Variants in DENND2D observed in about 807,000 individuals in gnomAD.
The protein encoded by DENND2D is DENN domain containing 2D, also known as DENN domain-containing protein 2D.
DENND2D carries 37 observed loss-of-function variants against 59.8 expected under a neutral mutation model. The observed-to-expected ratio is 0.62, with a 90% CI of 0.48 to 0.81. DENND2D has a LOEUF of 0.81. Among genes scored for constraint, DENND2D ranks in the 40% least tolerant of loss-of-function variants. The pLI, the probability that DENND2D is intolerant of heterozygous loss-of-function variation, is 0.00. For synonymous variants in DENND2D, 219 were observed against 211.3 expected, an observed-to-expected ratio of 1.04 and a Z score of -0.31; for missense variants, 525 against 579.7, an observed-to-expected ratio of 0.91 and a Z score of 0.97.
At chr1:111,190,639 G>A (rs552009525) in intron 8 of DENND2D, among the ~76,000 whole-genome samples, 1 of 152,176 alleles carries the variant, frequency 6.6e-6, no homozygotes. Context: ...CCAGTTTACC[G>A]TAACTTCCCA....
rs1404335396 is a variant in DENND2D at position 111,192,186 on chromosome 1, A to G, written c.926T>C (p.Val309Ala). 2 of 1,613,544 alleles carry G rather than the reference A, an allele frequency of 1.2e-6. No homozygotes were observed. Among genetic ancestry groups the G allele is most frequent in the South Asian group, 1.1e-5 (1 of 90,974 alleles). Residue 309 changes from valine (V) to alanine (A), a missense_variant, in exon 8 of 12, where the codon GTA becomes GCA. By Grantham distance (64) the Val-to-Ala change is moderately conservative. Transcript: ENST00000357640. Reference protein sequence around the residue: ...VCCPTPFMVGVQMRFQQEVMD... With the variant: ...VCCPTPFMVGAQMRFQQEVMD... ...GACCTCCTGCTGGAAGCGCATTTGT[A>G]CTCCAACCATGAAGGGGGTGGGGCA...
chr1:111,187,495 G>A lies in DENND2D; in HGVS notation c.*110C>T, dbSNP rs1267802511. 2 of 821,572 alleles carry A rather than the reference G, an allele frequency of 2.4e-6. No homozygotes were observed. 50.9% of individuals were successfully genotyped at this position (821,572 alleles called of 1,614,324 possible). A position where few individuals can be genotyped will look rare whatever the true frequency, so the allele number is the denominator to read the frequency against. ...CAATACCTGGATACCAAGACTCAGA[G>A]TGAGGATATGGATTTTGGGAGCTGA... On this transcript the variant is annotated 3_prime_UTR_variant, in exon 12 of 12. Transcript: ENST00000357640.
In DENND2D at chr1:111,195,937, G is replaced by A; in HGVS notation, c.624C>T (p.Phe208=). 1 of 1,614,130 alleles carries A rather than the reference G, an allele frequency of 6.2e-7. No homozygotes were observed. ...APGKTVTLKS[F]IPDSGTEFIS... ...CCACCTCAGTGCCTGAGTCGGGGAT[G>A]AAGCTCTTGAGAGTGACAGTCTTCC... Residue 208 remains phenylalanine, a synonymous_variant, in exon 6 of 12, where the codon TTC becomes TTT. Coordinates refer to ENST00000357640, the MANE Select transcript of DENND2D (RefSeq NM_024901.5).
rs764860601 is a variant in DENND2D at position 111,186,581 on chromosome 1, G to A, written c.*1024C>T. On this transcript the variant is annotated 3_prime_UTR_variant, in exon 12 of 12. Coordinates refer to ENST00000357640, the MANE Select transcript of DENND2D (RefSeq NM_024901.5). ...AAGCTTCCCAATGCTTGAGTAGAAA[G>A]TATCAGTAGAGGTATCAAGGGAGGA... 6.6e-6 allele frequency among the ~76,000 whole-genome samples: 1 copy of A among 152,192 alleles called. No homozygotes were observed. The highest frequency in any genetic ancestry group is 6.5e-5 in the Admixed American group (1 of 15,278).
chr1:111,198,129 C>T (rs533543833), intron 3 of DENND2D, 140 bp from the exon 4 acceptor site: 35 of 729,290 alleles, frequency 4.8e-5, no homozygotes, highest in East Asian at 8.2e-5. Flanking sequence ...TGGTGTCAGG[C>T]CCTAAACACA....
chr1:111,189,681 C>G (rs2764553), intron 8 of DENND2D, among the ~76,000 whole-genome samples: 1 of 152,052 alleles, frequency 6.6e-6, no homozygotes, highest in Non-Finnish European at 1.5e-5. Flanking sequence ...AGGAAACAGA[C>G]CCAAAGAAGC....
At chr1:111,200,110 C>CG in intron 1 of DENND2D, 2 of 559,334 alleles carry the variant, frequency 3.6e-6, no homozygotes, top group Non-Finnish European at 6.3e-6. Context: ...CCTAACCTGT[C>CG]GGGTGCTTCT....
chr1:111,189,029 T>G (rs772776497), intron 9 of DENND2D, among the ~76,000 whole-genome samples, 183 bp downstream of exon 9: 18 of 152,358 alleles, frequency 1.2e-4, no homozygotes, highest in Non-Finnish European at 8.8e-5. Flanking sequence ...TATCACTGAT[T>G]GTCTTATAGT....
chr1:111,188,365 C>G lies in DENND2D; in HGVS notation c.1105G>C (p.Glu369Gln), dbSNP rs2101440507. ...GQGINELKTA[E>Q]QINEHVSGPF... is the part of the protein sequence containing the mutation. ...CCTGAAACATGCTCGTTGATTTGTTCTGCAGCTGCAGGAGATATAAAGGCC... is the reference window on the plus strand; with the variant it reads ...CCTGAAACATGCTCGTTGATTTGTTGTGCAGCTGCAGGAGATATAAAGGCC... Residue 369 changes from glutamate to glutamine, a missense_variant, in exon 11 of 12, where the codon GAA (glutamate) becomes CAA (glutamine). Physicochemically the swap from Glu to Gln is conservative, Grantham distance 29. Around this residue, in one of 3 missense-constraint regions of DENND2D, gnomAD observed 225 missense variants for 252.4 expected, o/e 0.89. Transcript: ENST00000357640. The G allele has an allele frequency of 6.2e-7, 1 of 1,613,354 alleles. No homozygotes were observed. Among genetic ancestry groups the G allele is most frequent in the East Asian group, 2.2e-5 (1 of 44,876 alleles).
Position 111,196,850 on chromosome 1 carries a change from A to G in DENND2D, c.504+326T>C. ...CCTCACGCCACCCAGTGAGATAGGA[A>G]GGTGAGATTATTATATCCATTCGAC... On this transcript the variant is annotated intron_variant, in intron 5 of 11. Transcript: ENST00000357640. 4 of 301,330 alleles carry G rather than the reference A, an allele frequency of 1.3e-5. No homozygotes were observed. In the South Asian group the frequency reaches 1.9e-4, roughly 14 times the overall value. 18.7% of individuals were successfully genotyped at this position (301,330 alleles called of 1,614,324 possible).
At chr1:111,195,803 C>T in intron 6 of DENND2D, 113 bp downstream of exon 6, 1 of 1,484,888 alleles carries the variant, frequency 6.7e-7, no homozygotes, top group East Asian at 2.3e-5. Context: ...CAGTCCCCAT[C>T]TGGCTCAGTT....
At chr1:111,200,796 G>A (rs574258170), upstream of DENND2D, 1 of 1,019,704 alleles carries the variant, frequency 9.8e-7, no homozygotes, top group African/African-American at 1.7e-5. Context: ...AGCCGGAAAG[G>A]CCTGGCTACT....
Position 111,188,369 on chromosome 1 carries a change from A to G in DENND2D, c.1101T>C (p.Thr367=). Residue 367 remains threonine, a splice_region_variant and synonymous_variant, in exon 11 of 12, where the codon ACT becomes ACC. Transcript: ENST00000357640. ...SLGQGINELK[T]AEQINEHVSG... is the part of the protein sequence containing the mutation. ...AAACATGCTCGTTGATTTGTTCTGC[A>G]GCTGCAGGAGATATAAAGGCCATCT... 1 of 1,613,118 alleles carries G rather than the reference A, an allele frequency of 6.2e-7. No individual in the cohort carries two copies. The highest frequency in any genetic ancestry group is 8.5e-7 in the Non-Finnish European group (1 of 1,179,666).
At chr1:111,191,933 G>A (rs1657812477) in intron 8 of DENND2D, among the ~76,000 whole-genome samples, 1 of 152,166 alleles carries the variant, frequency 6.6e-6, no homozygotes, top group Admixed American at 6.5e-5. Flanking sequence ...CTGTGTGTCG[G>A]GTGCCAGGTT....
At chr1:111,194,951 CCT>C (rs932007939) in intron 6 of DENND2D, among the ~76,000 whole-genome samples, 5 of 152,064 alleles carry the variant, frequency 3.3e-5, no homozygotes, top group African/African-American at 9.7e-5. Context: ...AGCACACGCC[CCT>C]CTCTCACTGT....
intron 5 of DENND2D, 120 bp downstream of exon 5, chr1:111,197,056 G>A: frequency 8.5e-7 from 1 of 1,173,670 alleles, no homozygotes; most frequent in Non-Finnish European, 1.2e-6. Context: ...TCCCAAGTGT[G>A]CTTTAATGCT....
At chr1:111,200,023 A>G (rs1571201524) in intron 1 of DENND2D, 2 of 617,458 alleles carry the variant, frequency 3.2e-6, no homozygotes, top group East Asian at 5.7e-5. Context: ...GAGGAAAGAA[A>G]CCACTGACAC....
intron 3 of DENND2D, 70 bp downstream of exon 3, chr1:111,198,560 A>G (rs1658473856): frequency 6.9e-7 from 1 of 1,444,706 alleles, no homozygotes; most frequent in Non-Finnish European, 9.7e-7. Context: ...GGGAGGCTAC[A>G]GGAGCCACAG....
At position 111,188,212 on chromosome 1, in the gene DENND2D, G is replaced by T. The variant is rs780286712; in HGVS notation, c.1258C>A (p.Arg420=). ...GTCTTCACAAACTTCTTCACAAATC[G>T]GCGGTTGGTCTTGGAGGTCAGAGCC... ...CKALTSKTNR[R]FVKKFVKTQL... is the part of the protein sequence containing the mutation. Residue 420 remains arginine, a synonymous_variant, in exon 11 of 12, where the codon CGA becomes AGA. Coordinates refer to ENST00000357640, the MANE Select transcript of DENND2D (RefSeq NM_024901.5). The T allele has an allele frequency of 6.2e-7, 1 of 1,614,070 alleles. No homozygotes were observed. Among genetic ancestry groups the T allele is most frequent in the Non-Finnish European group, 8.5e-7 (1 of 1,179,998 alleles).
Sources: allele counts gnomAD v4.1 joint callset (sites outside exome capture counted in the v4.1 genomes callset), GRCh38; gene constraint gnomAD v4.1.1; regional missense constraint gnomAD v4.1.1; transcripts MANE v1.5; gene names NCBI Gene and HGNC (gene_info 2026-07-23, HGNC 2026-07-21).